The following ZNF674 variants were observed in gnomAD, a reference collection of about 807,000 sequenced individuals.
The protein encoded by ZNF674 is zinc finger family member 674.
In ZNF674, 2 loss-of-function variants were observed where a neutral mutation model predicts 7.0. The ratio of observed to expected loss-of-function variants is 0.29; its 90% CI spans 0.12 to 0.90. The LOEUF (loss-of-function observed/expected upper bound fraction) is 0.90, where lower values mean the gene tolerates loss of function less well. Ranked by LOEUF, ZNF674 falls within the 40% of genes least tolerant of loss-of-function variation. The probability of loss-of-function intolerance (pLI) is 0.57; values close to 1 mark genes in which losing one functional copy is unlikely to be tolerated. For synonymous variants in ZNF674, 103 were observed against 145.2 expected (o/e 0.71, Z 2.09); for missense variants, 297 against 415.5 (o/e 0.71, Z 2.48).
chrX:46,503,865 C>T (rs1337816303), intron 5 of ZNF674, among the ~76,000 whole-genome samples: 4 of 110,765 alleles, frequency 3.6e-5, no homozygotes, highest in African/African-American at 1.3e-4. Flanking sequence ...TGGCAAAACC[C>T]GTCTCCACAA....
chrX:46,536,553 G>T (rs1259032942), intron 3 of ZNF674, among the ~76,000 whole-genome samples: 1 of 101,702 alleles, frequency 9.8e-6, no homozygotes, highest in Non-Finnish European at 2.0e-5. Context: ...TCGTGCCATT[G>T]CACTCCAGCC....
intron 5 of ZNF674, among the ~76,000 whole-genome samples, chrX:46,519,263 TAAAGATAGATGATAGATAGATAGATA>T: frequency 1.8e-5 from 1 of 56,683 alleles, no homozygotes; most frequent in Non-Finnish European, 3.5e-5. Flanking sequence ...GATAGATAGA[TAAAGATAGATGATAGATAGATAGATA>T]GATAGATAGA....
chrX:46,512,899 A>G (rs185412757), intron 5 of ZNF674, among the ~76,000 whole-genome samples: 36 of 112,313 alleles, frequency 3.2e-4, no homozygotes, highest in Admixed American at 5.7e-4. Context: ...CACAAAATTG[A>G]AATCTAGAAT....
Position 46,510,237 on chromosome X carries a change from T to G in ZNF674, c.239-8902A>C, listed in dbSNP as rs766771736. On this transcript the variant is annotated intron_variant, in intron 5 of 5. Coordinates refer to ENST00000683375, the MANE Select transcript of ZNF674 (RefSeq NM_001190417.2). ...CACACCAGCATGGCACATGTATACA[T>G]ATGTAACTAACCTGCACATTGTGCA... 2.0e-3 allele frequency among the ~76,000 whole-genome samples: 215 copies of G among 109,243 alleles called. 1 individual carries two copies. Among genetic ancestry groups the G allele is most frequent in the African/African-American group, 6.8e-3 (205 of 30,160 alleles). The allele number at this position is 109,243 out of a possible 115,157, so 94.9% of individuals were successfully genotyped here.
At position 46,519,810 on chromosome X, in the gene ZNF674, C is replaced by T. The variant is rs1019829387; in HGVS notation, c.238+8540G>A. Among the ~76,000 whole-genome samples the T allele has an allele frequency of 7.2e-5, 8 of 110,800 alleles. No individual in the cohort carries two copies. In the South Asian group the frequency reaches 1.5e-3, roughly 21 times the overall value. On this transcript the variant is annotated intron_variant, in intron 5 of 5. Transcript: ENST00000683375. The stretch of plus-strand genomic sequence containing the variant: ...GAGAAATGTTTGTAGCAAATTTATT[C>T]GTAATAGCCCAACACTGGATACAAC...
chrX:46,505,527 T>C (rs1003727694), intron 5 of ZNF674, among the ~76,000 whole-genome samples: 1 of 111,432 alleles, frequency 9.0e-6, no homozygotes, highest in African/African-American at 3.3e-5. Flanking sequence ...TCCCAGCGCT[T>C]TGGGGGGCCG....
intron 3 of ZNF674, among the ~76,000 whole-genome samples, chrX:46,535,436 G>A (rs1358756973): frequency 9.0e-6 from 1 of 111,655 alleles, no homozygotes; most frequent in East Asian, 2.8e-4. Context: ...ATGAGCCACA[G>A]CACTTGGCCA....
intron 5 of ZNF674, among the ~76,000 whole-genome samples, chrX:46,506,360 C>A (rs1941537786): frequency 9.2e-6 from 1 of 109,031 alleles, no homozygotes; most frequent in Admixed American, 9.9e-5. Context: ...GCCTAGCTTG[C>A]CACTTGGATG....
At chrX:46,515,482 A>G (rs570825253) in intron 5 of ZNF674, among the ~76,000 whole-genome samples, 1 of 112,341 alleles carries the variant, frequency 8.9e-6, no homozygotes, top group Admixed American at 9.5e-5. Flanking sequence ...AAAGAATACA[A>G]TTCTACATAA....
intron 5 of ZNF674, among the ~76,000 whole-genome samples, chrX:46,512,578 T>C (rs1029082881): frequency 1.0e-4 from 11 of 107,578 alleles, no homozygotes; most frequent in Non-Finnish European, 2.1e-4. Flanking sequence ...CTGGCCAACA[T>C]GGTGAAACCC....
At chrX:46,515,565 G>T (rs1305110696) in intron 5 of ZNF674, among the ~76,000 whole-genome samples, 2 of 111,242 alleles carry the variant, frequency 1.8e-5, no homozygotes, top group East Asian at 5.6e-4. Context: ...CTTGATTGTG[G>T]TGATGTGATC....
At chrX:46,505,168 G>A (rs990815344) in intron 5 of ZNF674, among the ~76,000 whole-genome samples, 1 of 111,928 alleles carries the variant, frequency 8.9e-6, no homozygotes, top group East Asian at 2.8e-4. Context: ...GATTACAGGC[G>A]TGAGCCACCG....
rs1355866270 is a variant in ZNF674, at chrX:46,499,846, T to C, written c.1728A>G (p.Leu576=). The C allele has an allele frequency of 8.9e-7, 1 of 1,126,012 alleles. No individual in the cohort carries two copies. Among genetic ancestry groups the C allele is most frequent in the Non-Finnish European group, 1.2e-6 (1 of 853,362 alleles). The allele number at this position is 1,126,012 out of a possible 1,213,427, so 92.8% of individuals were successfully genotyped here. A position where few individuals can be genotyped will look rare whatever the true frequency, so the allele number is the denominator to read the frequency against. Residue 576 remains leucine, a synonymous_variant, in exon 6 of 6, where the codon CTA becomes CTG. Transcript: ENST00000683375. The part of the protein sequence containing the change: ...HQRSHTGDKN[L] ...ATTATCCCACTCTCAAGTATAATCA[T>C]AGGTTTTTATCTCCTGTGTGACTTC...
rs901154039 is a variant in ZNF674 at position 46,498,599 on chromosome X, T to A, written c.*1244A>T. On this transcript the variant is annotated 3_prime_UTR_variant, in exon 6 of 6. Transcript: ENST00000683375. ...TTATACTGTTCTTTTAAAAATGTCA[T>A]ACTCACTGAGCGTGGTGGCTCTCGC... 4.5e-5 allele frequency: 5 copies of A among 110,202 alleles called. No individual in the cohort carries two copies. Among genetic ancestry groups the A allele is most frequent in the African/African-American group, 1.7e-4 (5 of 30,261 alleles). 9.1% of individuals were successfully genotyped at this position (110,202 alleles called of 1,213,427 possible).
At chrX:46,530,132 G>A (rs1311687309) in intron 3 of ZNF674, among the ~76,000 whole-genome samples, 1 of 111,436 alleles carries the variant, frequency 9.0e-6, no homozygotes, top group Non-Finnish European at 1.9e-5. Context: ...ATCCTGTAAC[G>A]CCCACACTTG....
intron 5 of ZNF674, among the ~76,000 whole-genome samples, chrX:46,506,375 G>A (rs1455793216): frequency 1.9e-5 from 2 of 107,833 alleles, no homozygotes; most frequent in Non-Finnish European, 1.9e-5. Context: ...TGGATGTGCA[G>A]TGCAGCTGTC....
chrX:46,508,234 C>T (rs901982122), intron 5 of ZNF674, among the ~76,000 whole-genome samples: 1 of 110,843 alleles, frequency 9.0e-6, no homozygotes, highest in Non-Finnish European at 1.9e-5. Context: ...CTTGCCATAT[C>T]CAGATGGTTT....
At chrX:46,505,312 T>G (rs1941512795) in intron 5 of ZNF674, among the ~76,000 whole-genome samples, 1 of 112,445 alleles carries the variant, frequency 8.9e-6, no homozygotes, top group African/African-American at 3.2e-5. Context: ...AGAAAGGCTT[T>G]TAGGCTGGAC....
rs374330414 is a variant in ZNF674, at chrX:46,500,810, G to T, written c.764C>A (p.Ala255Asp). ...KPYECCECAK[A>D]FSQKSTLIAH... is the part of the protein sequence containing the mutation. ...TATGAGGGTTGACTTCTGGCTGAAG[G>T]CTTTTGCACATTCGCAGCATTCATA... The change falls in exon 6 of 6, where the codon GCC becomes GAC. Residue 255 changes from alanine to aspartate, a missense_variant. Coordinates refer to ENST00000683375, the MANE Select transcript of ZNF674 (RefSeq NM_001190417.2). The T allele has an allele frequency of 5.9e-5, 70 of 1,193,493 alleles. No homozygotes were observed. In the African/African-American group the frequency reaches 1.1e-3, roughly 19 times the overall value.
Sources: allele counts gnomAD v4.1 joint callset (sites outside exome capture counted in the v4.1 genomes callset), GRCh38; gene constraint gnomAD v4.1.1; transcripts MANE v1.5; gene names NCBI Gene and HGNC (gene_info 2026-07-23, HGNC 2026-07-21).